PPA2: variants seen among roughly 807,000 people sequenced by gnomAD.
The protein encoded by PPA2 is inorganic pyrophosphatase 2.
PPA2 carries 48 observed loss-of-function variants against 49.5 expected under a neutral mutation model. The observed-to-expected ratio is 0.97, with a 90% CI of 0.77 to 1.23. The LOEUF is 1.23. Among genes scored for constraint, PPA2 ranks in the 50% most tolerant of loss-of-function variants. The pLI is 0.00. For synonymous variants in PPA2, 131 were observed against 139.9 expected (o/e 0.94, Z 0.45); for missense variants, 429 against 410.1 (o/e 1.05, Z -0.40).
chr4:105,445,494 T>A (rs867660717), intron 5 of PPA2, among the ~76,000 whole-genome samples: 10 of 152,040 alleles, frequency 6.6e-5, no homozygotes, highest in African/African-American at 1.9e-4. Flanking sequence ...AATTTTTTTT[T>A]AAATTTTCCT....
chr4:105,369,821 CA>C (rs1553923163), intron 11 of PPA2, 68 bp from the exon 12 acceptor site: 1 of 1,414,208 alleles, frequency 7.1e-7, no homozygotes. Context: ...AGTGATTAAT[CA>C]AATTTAATTT....
At chr4:105,437,879 G>A in intron 6 of PPA2, 71 bp downstream of exon 6, 1 of 1,189,062 alleles carries the variant, frequency 8.4e-7, no homozygotes, top group Admixed American at 2.4e-5. Context: ...AGAACTAGAG[G>A]CTAAAATGAA....
intron 9 of PPA2, among the ~76,000 whole-genome samples, chr4:105,395,634 T>C (rs1001824854): frequency 6.7e-6 from 1 of 148,438 alleles, no homozygotes; most frequent in Non-Finnish European, 1.5e-5. Flanking sequence ...AAATTTGGTG[T>C]AGATAACATA....
intron 7 of PPA2, among the ~76,000 whole-genome samples, chr4:105,422,391 A>G (rs1004065425): frequency 3.3e-5 from 5 of 152,234 alleles, no homozygotes; most frequent in Non-Finnish European, 5.9e-5. Context: ...GCAAATATGA[A>G]AGGAATTTAG....
At chr4:105,380,375 T>A (rs1733439387) in intron 10 of PPA2, among the ~76,000 whole-genome samples, 1 of 152,006 alleles carries the variant, frequency 6.6e-6, no homozygotes, top group Non-Finnish European at 1.5e-5. Context: ...AAAATGTGTC[T>A]TCTTTTCTTT....
At chr4:105,449,529 A>G in intron 3 of PPA2, 126 bp from the exon 4 acceptor site, 1 of 550,956 alleles carries the variant, frequency 1.8e-6, no homozygotes, top group African/African-American at 1.9e-5. Context: ...TCTCCATCAT[A>G]CATCTACCTA....
At chr4:105,370,941 A>G (rs1471301592) in intron 10 of PPA2, 68 bp from the exon 11 acceptor site, 25 of 1,370,490 alleles carry the variant, frequency 1.8e-5, no homozygotes, top group Non-Finnish European at 2.0e-5. Flanking sequence ...CGCATCCAGA[A>G]GTTTTTTCAC....
chr4:105,376,795 T>G (rs1733272855), intron 10 of PPA2, among the ~76,000 whole-genome samples: 1 of 152,180 alleles, frequency 6.6e-6, no homozygotes, highest in Admixed American at 6.6e-5. Flanking sequence ...CTGGGAATCC[T>G]TTAGCACTGA....
intron 7 of PPA2, among the ~76,000 whole-genome samples, chr4:105,407,770 T>C (rs375837274): frequency 6.6e-6 from 1 of 152,174 alleles, no homozygotes; most frequent in Non-Finnish European, 1.5e-5. Context: ...CAGACTCCAT[T>C]GATAGGTAAT....
intron 5 of PPA2, among the ~76,000 whole-genome samples, chr4:105,440,252 A>C (rs989768501): frequency 6.6e-6 from 1 of 151,822 alleles, no homozygotes; most frequent in Admixed American, 6.6e-5. Flanking sequence ...CTTAAATAGG[A>C]AGATCTTTTT....
intron 10 of PPA2, among the ~76,000 whole-genome samples, chr4:105,377,646 A>G (rs1733311489): frequency 6.6e-6 from 1 of 152,148 alleles, no homozygotes; most frequent in Non-Finnish European, 1.5e-5. Context: ...TAATCAAGAT[A>G]ATAAACATAT....
At chr4:105,397,877 T>C (rs1401033256) in intron 8 of PPA2, among the ~76,000 whole-genome samples, 9 of 152,218 alleles carry the variant, frequency 5.9e-5, no homozygotes, top group African/African-American at 7.2e-5. Context: ...GCTTCTGGTA[T>C]AGCCTGTAGG....
At chr4:105,391,889 T>A (rs1479797513) in intron 9 of PPA2, among the ~76,000 whole-genome samples, 1 of 143,428 alleles carries the variant, frequency 7.0e-6, no homozygotes, top group East Asian at 1.9e-4. Context: ...AAAAAGAGTA[T>A]GAGTAAAGAA....
chr4:105,424,538 TAC>T lies in PPA2; in HGVS notation c.529-218_529-217del, dbSNP rs10570515. On this transcript the variant is annotated intron_variant, in intron 6 of 11. Transcript: ENST00000341695. ...ACTTTCACCAATGACTGAATTATTT[TAC>T]AGATAAACAACTTGCCCTCCCATTG... Among the ~76,000 whole-genome samples the T allele has an allele frequency of 2.0e-3, 309 of 152,318 alleles. 6 individuals carry two copies. Among genetic ancestry groups the T allele is most frequent in the African/African-American group, 7.3e-3 (303 of 41,578 alleles).
intron 9 of PPA2, among the ~76,000 whole-genome samples, chr4:105,391,356 A>AAAAAAAAAAAAAG: frequency 6.6e-6 from 1 of 151,578 alleles, no homozygotes; most frequent in Non-Finnish European, 1.5e-5. Flanking sequence ...AAAAAAAAAA[A>AAAAAAAAAAAAAG]AAAAAAAGGA....
chr4:105,395,041 T>C (rs1734079590), intron 9 of PPA2, among the ~76,000 whole-genome samples: 1 of 152,020 alleles, frequency 6.6e-6, no homozygotes, highest in Non-Finnish European at 1.5e-5. Flanking sequence ...TTATATTATT[T>C]ATATTAGAAA....
chr4:105,402,021 G>A (rs1162113313), intron 7 of PPA2, among the ~76,000 whole-genome samples: 1 of 152,110 alleles, frequency 6.6e-6, no homozygotes, highest in Non-Finnish European at 1.5e-5. Context: ...ATACACCAGT[G>A]AATTTATGAG....
At chr4:105,396,166 CA>C in intron 9 of PPA2, 82 bp downstream of exon 9, 1 of 896,136 alleles carries the variant, frequency 1.1e-6, no homozygotes, top group South Asian at 2.2e-5. Flanking sequence ...AAAAAAAATG[CA>C]AAAATCTGAA....
chr4:105,439,331 T>C (rs1474530495), intron 5 of PPA2, among the ~76,000 whole-genome samples: 1 of 152,204 alleles, frequency 6.6e-6, no homozygotes, highest in Non-Finnish European at 1.5e-5. Context: ...CAAATTATGA[T>C]AACAATTGAA....
Sources: allele counts gnomAD v4.1 joint callset (sites outside exome capture counted in the v4.1 genomes callset), GRCh38; gene constraint gnomAD v4.1.1; transcripts MANE v1.5; gene names NCBI Gene and HGNC (gene_info 2026-07-23, HGNC 2026-07-21).